The following DOCK3 variants were observed in gnomAD, a reference collection of about 807,000 sequenced individuals.
DOCK3 encodes the protein dedicator of cytokinesis 3.
Under a neutral mutation model 265.6 loss-of-function variants are expected in DOCK3, and 60 were observed. The observed-to-expected ratio is 0.23, with a 90% CI of 0.18 to 0.28. DOCK3 has a LOEUF of 0.28. Ranked by LOEUF, DOCK3 falls within the 10% of genes least tolerant of loss-of-function variation. The probability of loss-of-function intolerance (pLI) is 1.00; values close to 1 mark genes in which losing one functional copy is unlikely to be tolerated. For synonymous variants in DOCK3, 881 were observed against 938.0 expected, an observed-to-expected ratio of 0.94 and a Z score of 1.11; for missense variants, 1,981 against 2,594.3, an observed-to-expected ratio of 0.76 and a Z score of 5.14.
chr3:50,915,586 C>T (rs950117485), intron 4 of DOCK3, among the ~76,000 whole-genome samples: 1 of 152,046 alleles, frequency 6.6e-6, no homozygotes, highest in Admixed American at 6.5e-5. Context: ...TCCTGGAATG[C>T]GCAGCTGCTC....
intron 9 of DOCK3, among the ~76,000 whole-genome samples, chr3:51,127,565 TAAAGG>T (rs1276361176): frequency 2.0e-5 from 3 of 152,192 alleles, no homozygotes; most frequent in Admixed American, 1.3e-4. Context: ...TGTCACATGA[TAAAGG>T]AGAAAGGAAA....
chr3:51,084,154 A>G (rs2082336531), intron 7 of DOCK3, among the ~76,000 whole-genome samples: 1 of 152,170 alleles, frequency 6.6e-6, no homozygotes, highest in Non-Finnish European at 1.5e-5. Context: ...ATGGGCAAAG[A>G]TATAGAAAAC....
intron 26 of DOCK3, among the ~76,000 whole-genome samples, 162 bp from the exon 27 acceptor site, chr3:51,279,944 C>A (rs1408854185): frequency 6.6e-6 from 1 of 152,194 alleles, no homozygotes; most frequent in Non-Finnish European, 1.5e-5. Context: ...TCCAGGCTTT[C>A]CTTAGCAGAA....
chr3:51,161,774 T>C (rs950473183), intron 12 of DOCK3, among the ~76,000 whole-genome samples: 1 of 152,216 alleles, frequency 6.6e-6, no homozygotes, highest in Non-Finnish European at 1.5e-5. Flanking sequence ...AGAATGATCA[T>C]GAGTCGAATT....
intron 5 of DOCK3, among the ~76,000 whole-genome samples, chr3:50,936,382 A>C (rs1387930244): frequency 6.7e-6 from 1 of 149,346 alleles, no homozygotes; most frequent in Non-Finnish European, 1.5e-5. Context: ...CCAAAAAAAA[A>C]TTTTTTTTTT....
At chr3:50,934,936 A>G (rs1460527473) in intron 5 of DOCK3, among the ~76,000 whole-genome samples, 1 of 152,178 alleles carries the variant, frequency 6.6e-6, no homozygotes, top group Non-Finnish European at 1.5e-5. Flanking sequence ...GCCCTGGGTA[A>G]AACACATAAT....
At chr3:51,334,455 A>G (rs1273181152) in intron 35 of DOCK3, among the ~76,000 whole-genome samples, 1 of 152,196 alleles carries the variant, frequency 6.6e-6, no homozygotes, top group Non-Finnish European at 1.5e-5. Flanking sequence ...CTGAAGTAGA[A>G]GATGCTGCTA....
chr3:51,380,015 G>A (rs2088492385), intron 51 of DOCK3, 110 bp from the exon 52 acceptor site: 2 of 974,032 alleles, frequency 2.1e-6, no homozygotes, highest in Non-Finnish European at 3.0e-6. Context: ...AATGCTGAGG[G>A]GTCCCCAGGG....
At chr3:51,248,862 A>G (rs181662016) in intron 22 of DOCK3, among the ~76,000 whole-genome samples, 1 of 145,728 alleles carries the variant, frequency 6.9e-6, no homozygotes, top group African/African-American at 2.6e-5. Flanking sequence ...CTGGGATGTG[A>G]GGAGCGCCTC....
chr3:50,861,855 T>TTG (rs386396615), intron 3 of DOCK3, among the ~76,000 whole-genome samples: 6 of 110,114 alleles, frequency 5.4e-5, no homozygotes, highest in Non-Finnish European at 6.3e-5. Context: ...GGTTGGGTCG[T>TTG]TTTTTTTTTT....
At chr3:51,378,625 A>G (rs933969811) in intron 51 of DOCK3, among the ~76,000 whole-genome samples, 2 of 152,324 alleles carry the variant, frequency 1.3e-5, no homozygotes, top group Admixed American at 6.5e-5. Context: ...GAGAAAGGAC[A>G]TATTTCTTTT....
intron 32 of DOCK3, among the ~76,000 whole-genome samples, chr3:51,323,331 G>T (rs1345268939): frequency 6.6e-6 from 1 of 152,124 alleles, no homozygotes; most frequent in Non-Finnish European, 1.5e-5. Context: ...TCCAGGACTT[G>T]AACTCAGCTC....
chr3:51,013,538 G>T (rs570453425), intron 5 of DOCK3, among the ~76,000 whole-genome samples: 1 of 152,172 alleles, frequency 6.6e-6, no homozygotes, highest in Non-Finnish European at 1.5e-5. Flanking sequence ...CATTCCTCTG[G>T]AAGCTTTGTC....
At chr3:51,190,081 A>G (rs1044178979) in intron 12 of DOCK3, among the ~76,000 whole-genome samples, 1 of 152,258 alleles carries the variant, frequency 6.6e-6, no homozygotes, top group East Asian at 1.9e-4. Flanking sequence ...CAGCACTTCA[A>G]CTATGCCTCT....
At chr3:51,312,298 G>A (rs2083113014) in intron 29 of DOCK3, among the ~76,000 whole-genome samples, 178 bp from the exon 30 acceptor site, 1 of 152,114 alleles carries the variant, frequency 6.6e-6, no homozygotes, top group Non-Finnish European at 1.5e-5. Context: ...ATTGGCTTCA[G>A]AAGGAGTTAA....
intron 5 of DOCK3, among the ~76,000 whole-genome samples, chr3:51,037,551 A>C (rs886743725): frequency 3.9e-5 from 6 of 152,178 alleles, no homozygotes; most frequent in Non-Finnish European, 7.4e-5. Context: ...AATATACACT[A>C]TCTTTGCCTT....
At chr3:51,267,812 TA>T (rs1198197353) in intron 23 of DOCK3, among the ~76,000 whole-genome samples, 3 of 152,046 alleles carry the variant, frequency 2.0e-5, no homozygotes, top group African/African-American at 4.8e-5. Context: ...TATGCAGCCA[TA>T]AAAAAGGATG....
intron 2 of DOCK3, among the ~76,000 whole-genome samples, chr3:50,811,273 G>A (rs1022758537): frequency 6.6e-6 from 1 of 151,914 alleles, no homozygotes; most frequent in Non-Finnish European, 1.5e-5. Flanking sequence ...GTGTGGTGGT[G>A]CATGCCTGTA....
At chr3:51,353,878 TG>T (rs1344309391) in intron 40 of DOCK3, among the ~76,000 whole-genome samples, 1 of 152,056 alleles carries the variant, frequency 6.6e-6, no homozygotes, top group African/African-American at 2.4e-5. Flanking sequence ...GGCAGTTGGA[TG>T]GGCAGACTGC....
Sources: gnomAD v4.1 joint callset for allele counts (sites outside exome capture counted in the v4.1 genomes callset) on GRCh38, gnomAD v4.1.1 for gene constraint, MANE v1.5 for transcripts, NCBI Gene and HGNC (gene_info 2026-07-23, HGNC 2026-07-21) for gene names.